Variants in CSMD1 observed in about 807,000 individuals in gnomAD.
The protein encoded by CSMD1 is CUB and sushi domain-containing protein 1.
A neutral mutation model predicts 417.5 loss-of-function variants in CSMD1; 213 were observed. The ratio of observed to expected loss-of-function variants is 0.51; its 90% CI spans 0.46 to 0.57. The LOEUF (loss-of-function observed/expected upper bound fraction) is 0.57, where lower values mean the gene tolerates loss of function less well. CSMD1 is among the 20% of genes least tolerant of loss of function. The pLI, the probability that CSMD1 is intolerant of heterozygous loss-of-function variation, is 0.00. For synonymous variants in CSMD1, 2,862 were observed against 1,736.8 expected (o/e 1.65, Z -16.11); for missense variants, 6,923 against 4,529.7 (o/e 1.53, Z -15.17).
At chr8:4,311,982 T>A (rs1180090280) in intron 3 of CSMD1, among the ~76,000 whole-genome samples, 1 of 152,090 alleles carries the variant, frequency 6.6e-6, no homozygotes, top group Non-Finnish European at 1.5e-5. Context: ...AAAATAAAAA[T>A]TATTCAGCAT....
At chr8:3,555,902 A>T (rs1175461464) in intron 10 of CSMD1, among the ~76,000 whole-genome samples, 1 of 152,176 alleles carries the variant, frequency 6.6e-6, no homozygotes, top group Non-Finnish European at 1.5e-5. Context: ...GAAGTCAGTC[A>T]AATGTGATAT....
intron 7 of CSMD1, among the ~76,000 whole-genome samples, chr8:3,705,535 C>A (rs7841991): frequency 0.58 from 88,640 of 152,066 alleles, 25,916 homozygotes; most frequent in Admixed American, 0.62. Flanking sequence ...GGGGAGTCTT[C>A]TGAAAAAGAA....
At chr8:4,854,089 T>C (rs2118564) in intron 1 of CSMD1, among the ~76,000 whole-genome samples, 32,425 of 152,108 alleles carry the variant, frequency 0.21, 4,471 homozygotes, top group Non-Finnish European at 0.31. Flanking sequence ...AGAAGAGACA[T>C]TGGACATGAG....
At chr8:4,350,101 C>G (rs1801004299) in intron 3 of CSMD1, among the ~76,000 whole-genome samples, 2 of 152,160 alleles carry the variant, frequency 1.3e-5, no homozygotes, top group African/African-American at 4.8e-5. Context: ...TGAGCCACCA[C>G]TGGCTGCTAC....
intron 3 of CSMD1, among the ~76,000 whole-genome samples, chr8:4,162,529 T>G (rs1413969481): frequency 6.6e-6 from 1 of 152,190 alleles, no homozygotes; most frequent in Non-Finnish European, 1.5e-5. Flanking sequence ...GAATATTAAA[T>G]TTTGATATTT....
intron 4 of CSMD1, among the ~76,000 whole-genome samples, chr8:4,016,753 G>T (rs977646694): frequency 6.6e-6 from 1 of 152,130 alleles, no homozygotes; most frequent in African/African-American, 2.4e-5. Context: ...TTGGGTTAAG[G>T]GCTCTGTTGA....
intron 3 of CSMD1, among the ~76,000 whole-genome samples, chr8:4,106,797 T>C (rs2130896813): frequency 6.6e-6 from 1 of 152,158 alleles, no homozygotes; most frequent in East Asian, 1.9e-4. Flanking sequence ...GGCGATGGTC[T>C]GGGAGAGCTC....
chr8:3,287,593 GCT>G (rs1194414974), intron 25 of CSMD1, among the ~76,000 whole-genome samples: 5 of 152,022 alleles, frequency 3.3e-5, no homozygotes, highest in Admixed American at 6.6e-5. Context: ...TCATGATTTG[GCT>G]CTCTGTTTGT....
intron 3 of CSMD1, among the ~76,000 whole-genome samples, chr8:4,179,958 G>A (rs1007904072): frequency 2.5e-4 from 38 of 152,060 alleles, no homozygotes; most frequent in Non-Finnish European, 7.4e-5. Flanking sequence ...GGAGAAATAG[G>A]AACACTTTTA....
chr8:3,622,933 T>C (rs1218084307), intron 7 of CSMD1, among the ~76,000 whole-genome samples: 1 of 152,246 alleles, frequency 6.6e-6, no homozygotes, highest in Non-Finnish European at 1.5e-5. Context: ...CTGGGCTTAA[T>C]ATCACTTTAA....
intron 2 of CSMD1, among the ~76,000 whole-genome samples, chr8:4,540,093 G>A (rs1490319434): frequency 6.6e-6 from 1 of 152,144 alleles, no homozygotes; most frequent in Non-Finnish European, 1.5e-5. Context: ...CGATTATCGT[G>A]ACACCATATA....
At chr8:3,969,901 A>T (rs1585052361) in intron 5 of CSMD1, among the ~76,000 whole-genome samples, 1 of 151,918 alleles carries the variant, frequency 6.6e-6, no homozygotes, top group Non-Finnish European at 1.5e-5. Context: ...ATAATTTGCA[A>T]AAACAAACAA....
intron 3 of CSMD1, among the ~76,000 whole-genome samples, chr8:4,207,869 G>C (rs568444757): frequency 1.6e-4 from 25 of 152,180 alleles, no homozygotes; most frequent in African/African-American, 5.5e-4. Flanking sequence ...GTTCCATATA[G>C]GTGGAGAAAT....
At chr8:4,766,738 G>C (rs552454717) in intron 1 of CSMD1, among the ~76,000 whole-genome samples, 1 of 152,158 alleles carries the variant, frequency 6.6e-6, no homozygotes, top group Non-Finnish European at 1.5e-5. Flanking sequence ...CTAATCCTAC[G>C]GTGTTTCTTC....
At chr8:4,379,297 G>A (rs542325547) in intron 3 of CSMD1, among the ~76,000 whole-genome samples, 2 of 152,120 alleles carry the variant, frequency 1.3e-5, no homozygotes, top group African/African-American at 2.4e-5. Context: ...AACTGTCAAG[G>A]TCAAGAAAGA....
chr8:4,766,187 C>T (rs547667020), intron 1 of CSMD1, among the ~76,000 whole-genome samples: 11 of 152,126 alleles, frequency 7.2e-5, no homozygotes, highest in Admixed American at 6.5e-5. Flanking sequence ...TTTCCATGAA[C>T]ATATGTTGCC....
intron 3 of CSMD1, among the ~76,000 whole-genome samples, chr8:4,360,511 A>T (rs532690228): frequency 6.6e-6 from 1 of 152,108 alleles, no homozygotes; most frequent in African/African-American, 2.4e-5. Context: ...GTTCTTTGAG[A>T]TGGAGTCTGG....
chr8:3,341,752 C>G (rs1456699089), intron 23 of CSMD1, among the ~76,000 whole-genome samples: 1 of 152,174 alleles, frequency 6.6e-6, no homozygotes, highest in East Asian at 1.9e-4. Context: ...GTGCATGGAA[C>G]TTCCCCGTAA....
At chr8:4,724,256 G>C (rs544806713) in intron 1 of CSMD1, among the ~76,000 whole-genome samples, 1 of 151,964 alleles carries the variant, frequency 6.6e-6, no homozygotes, top group Non-Finnish European at 1.5e-5. Flanking sequence ...TATCAGGCTG[G>C]CTAATGAATA....
Sources: gnomAD v4.1 joint callset for allele counts (sites outside exome capture counted in the v4.1 genomes callset) on GRCh38, gnomAD v4.1.1 for gene constraint, MANE v1.5 for transcripts, NCBI Gene and HGNC (gene_info 2026-07-23, HGNC 2026-07-21) for gene names.